Variants in GABRR2 observed in about 807,000 individuals in gnomAD.
The protein encoded by GABRR2 is gamma-aminobutyric acid receptor subunit rho-2.
GABRR2 carries 36 observed loss-of-function variants against 47.0 expected under a neutral mutation model. The ratio of observed to expected loss-of-function variants is 0.77; its 90% CI spans 0.59 to 1.01. GABRR2 has a LOEUF of 1.01. Ranked by LOEUF, GABRR2 falls within the 50% of genes least tolerant of loss-of-function variation. The pLI is 0.00. For missense variants in GABRR2, 587 were observed against 594.6 expected (o/e 0.99, Z 0.13); for synonymous variants, 204 against 227.5 (o/e 0.90, Z 0.93).
chr6:89,277,575 T>C (rs141929365), intron 2 of GABRR2, among the ~76,000 whole-genome samples: 1 of 151,874 alleles, frequency 6.6e-6, no homozygotes, highest in Non-Finnish European at 1.5e-5. Context: ...GTGTGATGGG[T>C]ACACTAGAAG....
intron 2 of GABRR2, among the ~76,000 whole-genome samples, chr6:89,292,777 ATC>A (rs1774481930): frequency 2.3e-5 from 1 of 44,078 alleles, no homozygotes; most frequent in Non-Finnish European, 3.6e-5. Flanking sequence ...TATCGTATAT[ATC>A]GTATATACGA....
rs1237838068 is a variant in GABRR2, at chr6:89,301,893, G to A, written c.114-2028C>T. 10 of 1,131,802 alleles carry A rather than the reference G, an allele frequency of 8.8e-6. No homozygotes were observed. The East Asian group carries it at 1.2e-4, about 13-fold the overall frequency. The allele number at this position is 1,131,802 out of a possible 1,614,324, so 70.1% of individuals were successfully genotyped here. A position where few individuals can be genotyped will look rare whatever the true frequency, so the allele number is the denominator to read the frequency against. Reference sequence around the variant, plus strand: ...GCATAGACCCCAGCGGCAACTACGTGGGGAACTCGGACTTGGAGCTGGAGC... The same window carrying A: ...GCATAGACCCCAGCGGCAACTACGTAGGGAACTCGGACTTGGAGCTGGAGC... On this transcript the variant is annotated intron_variant, in intron 1 of 8. Coordinates refer to ENST00000402938, the MANE Select transcript of GABRR2 (RefSeq NM_002043.5).
At chr6:89,258,279 G>A (rs1449794811) in intron 8 of GABRR2, among the ~76,000 whole-genome samples, 3 of 152,160 alleles carry the variant, frequency 2.0e-5, no homozygotes, top group Admixed American at 1.3e-4. Flanking sequence ...AAATCCCTCA[G>A]TTGTAGAGAC....
chr6:89,280,251 T>TATATATAC (rs1554197261), intron 2 of GABRR2, among the ~76,000 whole-genome samples: 8 of 102,978 alleles, frequency 7.8e-5, no homozygotes, highest in African/African-American at 2.4e-4. Context: ...TATATATATA[T>TATATATAC]ATACATACAT....
At chr6:89,314,959 A>G in intron 1 of GABRR2, 94 bp downstream of exon 1, 2 of 1,096,150 alleles carry the variant, frequency 1.8e-6, no homozygotes, top group East Asian at 2.4e-5. Context: ...CGATATCTCA[A>G]TAGGACCTTA....
intron 1 of GABRR2, chr6:89,302,642 G>T: frequency 7.8e-7 from 1 of 1,278,252 alleles, no homozygotes. Flanking sequence ...CCCCTCAGAT[G>T]TTTGATGCCA....
intron 2 of GABRR2, among the ~76,000 whole-genome samples, chr6:89,284,625 T>C (rs1042447631): frequency 3.3e-5 from 5 of 152,310 alleles, no homozygotes; most frequent in Non-Finnish European, 4.4e-5. Flanking sequence ...CCACAGAATG[T>C]GGACGGCCTC....
chr6:89,284,228 C>G (rs1032561274), intron 2 of GABRR2, among the ~76,000 whole-genome samples: 1 of 152,120 alleles, frequency 6.6e-6, no homozygotes, highest in East Asian at 1.9e-4. Context: ...AGTTCTGTAT[C>G]TCGATCTGCA....
chr6:89,273,389 C>T (rs1311194783), intron 2 of GABRR2, among the ~76,000 whole-genome samples: 1 of 152,200 alleles, frequency 6.6e-6, no homozygotes, highest in Non-Finnish European at 1.5e-5. Flanking sequence ...CCTGCCACCA[C>T]ACCTGGCTAA....
At chr6:89,314,960 T>C in intron 1 of GABRR2, 93 bp downstream of exon 1, 4 of 1,099,456 alleles carry the variant, frequency 3.6e-6, no homozygotes, top group Non-Finnish European at 4.0e-6. Flanking sequence ...GATATCTCAA[T>C]AGGACCTTAG....
rs1365179870 is a variant in GABRR2, at chr6:89,264,587, A to G, written c.911T>C (p.Met304Thr). 6.2e-7 allele frequency: 1 copy of G among 1,614,196 alleles called. No homozygotes were observed. The highest frequency in any genetic ancestry group is 8.5e-7 in the Non-Finnish European group (1 of 1,180,026). Reference protein sequence around the residue: ...VSLGITTVLTMTTIITGVNAS... With the variant: ...VSLGITTVLTTTTIITGVNAS... ...ATTCACGCCCGTGATGATGGTGGTC[A>G]TGGTCAGCACCGTCGTGATACCTGC... Residue 304 changes from methionine to threonine, a missense_variant, in exon 8 of 9, where the codon ATG (methionine) becomes ACG (threonine). Transcript: ENST00000402938.
chr6:89,255,089 C>G lies in GABRR2; in HGVS notation c.*2581G>C, dbSNP rs527281676. Among the ~76,000 whole-genome samples the G allele has an allele frequency of 1.6e-4, 25 of 152,246 alleles. No individual in the cohort carries two copies. The South Asian group carries it at 5.0e-3, about 30-fold the overall frequency. On this transcript the variant is annotated 3_prime_UTR_variant, in exon 9 of 9. Coordinates refer to ENST00000402938, the MANE Select transcript of GABRR2 (RefSeq NM_002043.5). ...CAAAGCAATATGATATATTTAATGA[C>G]AATAGAATTATCATTCTTCGAGCAG...
chr6:89,299,887 T>G (rs1424290156), intron 1 of GABRR2, 22 bp from the exon 2 acceptor site: 2 of 1,494,316 alleles, frequency 1.3e-6, no homozygotes, highest in African/African-American at 1.4e-5. Flanking sequence ...AGCAAGAAAC[T>G]ATTTTCCATC....
Position 89,256,430 on chromosome 6 carries a change from T to A in GABRR2, c.*1240A>T, listed in dbSNP as rs547782622. 1.1e-4 allele frequency among the ~76,000 whole-genome samples: 16 copies of A among 152,292 alleles called. No individual in the cohort carries two copies. Among genetic ancestry groups the A allele is most frequent in the African/African-American group, 3.9e-4 (16 of 41,558 alleles). ...TACCTAGTGCAGAGATACTTTAAAATGTTTATTGCCTGAATATATAATAGT... is the reference window on the plus strand; with the variant it reads ...TACCTAGTGCAGAGATACTTTAAAAAGTTTATTGCCTGAATATATAATAGT... On this transcript the variant is annotated 3_prime_UTR_variant, in exon 9 of 9. Coordinates refer to ENST00000402938, the MANE Select transcript of GABRR2 (RefSeq NM_002043.5).
At chr6:89,286,122 A>G (rs566763343) in intron 2 of GABRR2, among the ~76,000 whole-genome samples, 1 of 152,292 alleles carries the variant, frequency 6.6e-6, no homozygotes, top group Non-Finnish European at 1.5e-5. Flanking sequence ...CAATGCCTAC[A>G]AGAGATCTCC....
intron 6 of GABRR2, among the ~76,000 whole-genome samples, chr6:89,266,601 G>A (rs1226576431): frequency 1.3e-5 from 2 of 152,216 alleles, no homozygotes; most frequent in Non-Finnish European, 2.9e-5. Context: ...CAAAGCCTTA[G>A]CTAGAGTCAG....
intron 1 of GABRR2, chr6:89,302,976 G>A: frequency 1.5e-6 from 2 of 1,304,438 alleles, no homozygotes; most frequent in South Asian, 2.3e-5. Flanking sequence ...GCATGGACGA[G>A]ATGGAGATCA....
intron 2 of GABRR2, among the ~76,000 whole-genome samples, chr6:89,276,833 CAG>C (rs1366483087): frequency 6.6e-6 from 1 of 152,004 alleles, no homozygotes; most frequent in Non-Finnish European, 1.5e-5. Context: ...TCTATACCAG[CAG>C]AGTTTTAAAA....
intron 2 of GABRR2, among the ~76,000 whole-genome samples, chr6:89,293,646 G>A (rs1774506700): frequency 6.6e-6 from 1 of 152,190 alleles, no homozygotes; most frequent in Non-Finnish European, 1.5e-5. Flanking sequence ...AATTAGCCAG[G>A]CACGTTGGTG....
Sources: gnomAD v4.1 joint callset for allele counts (sites outside exome capture counted in the v4.1 genomes callset) on GRCh38, gnomAD v4.1.1 for gene constraint, MANE v1.5 for transcripts, NCBI Gene and HGNC (gene_info 2026-07-23, HGNC 2026-07-21) for gene names.